The following MCUB variants were observed in gnomAD, a reference collection of about 807,000 sequenced individuals.
The protein encoded by MCUB is mitochondrial calcium uniporter dominant negative subunit beta.
Under a neutral mutation model 41.4 loss-of-function variants are expected in MCUB, and 46 were observed. The ratio of observed to expected loss-of-function variants is 1.11; its 90% CI spans 0.88 to 1.42. The LOEUF is 1.42. Among genes scored for constraint, MCUB ranks in the 40% most tolerant of loss-of-function variants. The pLI is 0.00. For missense variants in MCUB, 403 were observed against 404.9 expected (o/e 1.00, Z 0.04); for synonymous variants, 148 against 148.2 (o/e 1.00, Z 0.01).
At chr4:109,659,355 C>T (rs1729175132) in intron 2 of MCUB, among the ~76,000 whole-genome samples, 1 of 152,054 alleles carries the variant, frequency 6.6e-6, no homozygotes, top group Non-Finnish European at 1.5e-5. Flanking sequence ...TTTGGGAAGC[C>T]ACGGCAGGCG....
At chr4:109,634,910 C>T (rs371653447) in intron 1 of MCUB, among the ~76,000 whole-genome samples, 1 of 152,098 alleles carries the variant, frequency 6.6e-6, no homozygotes, top group African/African-American at 2.4e-5. Flanking sequence ...CCCATCAACC[C>T]GTCATCTACA....
chr4:109,571,052 A>G (rs1726903223), intron 1 of MCUB, among the ~76,000 whole-genome samples: 1 of 152,216 alleles, frequency 6.6e-6, no homozygotes, highest in South Asian at 2.1e-4. Context: ...ATGATGGATG[A>G]AAAGGAAAAG....
intron 4 of MCUB, among the ~76,000 whole-genome samples, chr4:109,668,821 G>A (rs1047349500): frequency 4.0e-5 from 6 of 150,572 alleles, no homozygotes; most frequent in Admixed American, 1.3e-4. Flanking sequence ...TTTTTTTAGC[G>A]GTTGCCTAAG....
intron 1 of MCUB, among the ~76,000 whole-genome samples, chr4:109,613,001 G>A (rs556758161): frequency 5.9e-5 from 9 of 152,168 alleles, no homozygotes; most frequent in Admixed American, 1.3e-4. Flanking sequence ...AGCTACTCGC[G>A]AGGCTGAAGC....
At position 109,603,873 on chromosome 4, in the gene MCUB, C is replaced by T. The variant is rs562191040; in HGVS notation, c.99+43437C>T. On this transcript the variant is annotated intron_variant, in intron 1 of 7. Coordinates refer to ENST00000394650, the MANE Select transcript of MCUB (RefSeq NM_017918.5). ...GAGCCTCTCTGCCCGGCCGCCACCC[C>T]GTCTGGGAGGTGTACCCAACAGCTC... Among the ~76,000 whole-genome samples, 548 of 152,316 alleles carry T rather than the reference C, an allele frequency of 3.6e-3. 7 individuals carry two copies. The highest frequency in any genetic ancestry group is 0.013 in the East Asian group (70 of 5,186).
At chr4:109,644,344 C>G (rs1223215377) in intron 1 of MCUB, among the ~76,000 whole-genome samples, 1 of 152,174 alleles carries the variant, frequency 6.6e-6, no homozygotes, top group African/African-American at 2.4e-5. Flanking sequence ...CACAATCCCA[C>G]TAACTCCTGA....
chr4:109,658,966 C>T (rs1055540256), intron 1 of MCUB, 45 bp from the exon 2 acceptor site: 9 of 1,003,968 alleles, frequency 9.0e-6, no homozygotes, highest in Non-Finnish European at 1.4e-5. Context: ...TTTCATCTTT[C>T]CCACTCTTTT....
chr4:109,569,240 G>T (rs952899338), intron 1 of MCUB, among the ~76,000 whole-genome samples: 1 of 151,690 alleles, frequency 6.6e-6, no homozygotes, highest in Non-Finnish European at 1.5e-5. Context: ...TAGAGACGGG[G>T]TTTCACCATG....
chr4:109,662,245 T>G (rs1276181995), intron 3 of MCUB, among the ~76,000 whole-genome samples: 1 of 152,236 alleles, frequency 6.6e-6, no homozygotes, highest in Non-Finnish European at 1.5e-5. Context: ...TATTTCATCC[T>G]TGAACTAGAC....
chr4:109,592,578 A>T (rs1458836946), intron 1 of MCUB, among the ~76,000 whole-genome samples: 1 of 152,166 alleles, frequency 6.6e-6, no homozygotes, highest in Non-Finnish European at 1.5e-5. Context: ...ATTATCTAAC[A>T]GGAGGAACCT....
At chr4:109,684,385 T>C in intron 5 of MCUB, 58 bp from the exon 6 acceptor site, 1 of 1,391,180 alleles carries the variant, frequency 7.2e-7, no homozygotes, top group Non-Finnish European at 9.8e-7. Flanking sequence ...ATCTTGCTTT[T>C]TGTCCCTTTA....
chr4:109,668,794 C>A (rs1276386096), intron 4 of MCUB, among the ~76,000 whole-genome samples: 2 of 151,714 alleles, frequency 1.3e-5, no homozygotes, highest in Non-Finnish European at 2.9e-5. Context: ...CCTTTTCCAG[C>A]ATATTATTTA....
At chr4:109,660,052 G>T in intron 2 of MCUB, 143 bp from the exon 3 acceptor site, 1 of 586,232 alleles carries the variant, frequency 1.7e-6, no homozygotes. Flanking sequence ...GTATAATGAA[G>T]GCATTATTGG....
rs75838566 is a variant in MCUB at position 109,684,625 on chromosome 4, A to G, written c.795A>G (p.Ala265=). 7.8e-4 allele frequency: 1,196 copies of G among 1,534,800 alleles called. 21 individuals are homozygous for G. In the East Asian group the frequency reaches 0.025, roughly 32 times the overall value. ...TTGCAAATTCTATGGTCTTTTTTGC[A>G]TACTTTATAGTCACTCGACAGGTGA... ...ITFANSMVFF[A]YFIVTRQDYT... is the part of the protein sequence containing the mutation. The change falls in exon 6 of 8, where the codon GCA becomes GCG. Residue 265 remains alanine, a synonymous_variant. Transcript: ENST00000394650.
chr4:109,636,492 G>T (rs941961493), intron 1 of MCUB, among the ~76,000 whole-genome samples: 10 of 152,154 alleles, frequency 6.6e-5, no homozygotes, highest in African/African-American at 2.4e-4. Context: ...AGTAAACTGA[G>T]AAAATATAAT....
Position 109,687,558 on chromosome 4 carries a change from A to C in MCUB, c.977A>C (p.Gln326Pro), listed in dbSNP as rs1240503953. ...CAGGCGCGTCATTCTCTCTGTTTGC[A>C]AATGCAAGTAGAAGAACTCAATGAA... ...LKQARHSLCL[Q>P]MQVEELNEKN Residue 326 changes from glutamine to proline, a missense_variant, in exon 8 of 8, where the codon CAA becomes CCA. Physicochemically the swap from Gln to Pro is moderately conservative, Grantham distance 76 (BLOSUM62 -1). Coordinates refer to ENST00000394650, the MANE Select transcript of MCUB (RefSeq NM_017918.5). The C allele has an allele frequency of 1.2e-6, 2 of 1,612,452 alleles. No homozygotes were observed. The highest frequency in any genetic ancestry group is 3.3e-5 in the Admixed American group (2 of 59,954).
chr4:109,606,417 G>GT (rs1727872368), intron 1 of MCUB, among the ~76,000 whole-genome samples: 1 of 151,958 alleles, frequency 6.6e-6, no homozygotes, highest in South Asian at 2.1e-4. Context: ...TTGTTTTGTG[G>GT]TTTTCTCTTC....
chr4:109,596,552 A>G (rs969870784), intron 1 of MCUB, among the ~76,000 whole-genome samples: 3 of 152,124 alleles, frequency 2.0e-5, no homozygotes, highest in Non-Finnish European at 4.4e-5. Context: ...TGCCATCCAC[A>G]GTCCCTTCTC....
At chr4:109,657,241 A>C (rs889285076) in intron 1 of MCUB, among the ~76,000 whole-genome samples, 1 of 144,534 alleles carries the variant, frequency 6.9e-6, no homozygotes, top group African/African-American at 2.7e-5. Flanking sequence ...AAAAAAAAAT[A>C]GAAAGCTCAA....
Sources: gnomAD v4.1 joint callset for allele counts (sites outside exome capture counted in the v4.1 genomes callset) on GRCh38, gnomAD v4.1.1 for gene constraint, MANE v1.5 for transcripts, NCBI Gene and HGNC (gene_info 2026-07-23, HGNC 2026-07-21) for gene names.